The following RNF157 variants were observed in gnomAD, a reference collection of about 807,000 sequenced individuals.
The protein encoded by RNF157 is E3 ubiquitin ligase RNF157.
RNF157 carries 55 observed loss-of-function variants against 88.3 expected under a neutral mutation model. The observed-to-expected ratio is 0.62, with a 90% CI of 0.50 to 0.78. RNF157 has a LOEUF of 0.78. Ranked by LOEUF, RNF157 falls within the 30% of genes least tolerant of loss-of-function variation. The probability of loss-of-function intolerance (pLI) is 0.00; values close to 1 mark genes in which losing one functional copy is unlikely to be tolerated. For synonymous variants in RNF157, 334 were observed against 341.2 expected (o/e 0.98, Z 0.23); for missense variants, 788 against 860.8 (o/e 0.92, Z 1.06).
At chr17:76,154,988 G>A (rs2068739611) in intron 16 of RNF157, among the ~76,000 whole-genome samples, 1 of 152,208 alleles carries the variant, frequency 6.6e-6, no homozygotes, top group African/African-American at 2.4e-5. Context: ...CAAGGCCAGG[G>A]GCTGGCCAGA....
At position 76,162,425 on chromosome 17, in the gene RNF157, C is replaced by T. The variant is rs151144169; in HGVS notation, c.792+127G>A. On this transcript the variant is annotated intron_variant, in intron 9 of 18. Transcript: ENST00000269391. ...AAGCGTAATGATCTGAAATGAGGAACAAGAAAATACCCTTCTAAGACCTAA... is the reference window on the plus strand; with the variant it reads ...AAGCGTAATGATCTGAAATGAGGAATAAGAAAATACCCTTCTAAGACCTAA... 1.1e-3 allele frequency: 754 copies of T among 710,780 alleles called. 6 individuals carry two copies. In the East Asian group the frequency reaches 0.016, roughly 15 times the overall value. 44.0% of individuals were successfully genotyped at this position (710,780 alleles called of 1,614,324 possible). A position where few individuals can be genotyped will look rare whatever the true frequency, so the allele number is the denominator to read the frequency against.
intron 2 of RNF157, chr17:76,202,639 A>ATT: frequency 3.8e-5 from 6 of 155,952 alleles, no homozygotes; most frequent in Non-Finnish European, 7.1e-5. Flanking sequence ...GAGCGCTACT[A>ATT]TTTTTTTTTT....
At position 76,161,763 on chromosome 17, in the gene RNF157, C is replaced by A; in HGVS notation, c.952+80G>T. 6.4e-7 allele frequency: 1 copy of A among 1,555,950 alleles called. No homozygotes were observed. The highest frequency in any genetic ancestry group is 1.4e-5 in the African/African-American group (1 of 73,768). ...CGCATCCGTTTGTCAGATCCAGCAG[C>A]AGCACATGCTTCAGTGTTTTGTAAA... On this transcript the variant is annotated intron_variant, in intron 10 of 18. Transcript: ENST00000269391. This position sits in a 1 kb window ranked among gnomAD's most constrained non-coding sequence, Gnocchi z 4.6.
intron 1 of RNF157, among the ~76,000 whole-genome samples, chr17:76,233,638 G>C (rs927608236): frequency 6.6e-6 from 1 of 152,082 alleles, no homozygotes; most frequent in Non-Finnish European, 1.5e-5. Flanking sequence ...CCTAGGCAAA[G>C]CAATCCTTCT....
intron 17 of RNF157, chr17:76,152,704 A>G: frequency 2.2e-6 from 1 of 455,838 alleles, no homozygotes; most frequent in South Asian, 2.1e-5. Flanking sequence ...CTCCCTAACA[A>G]GTCAGATCAC....
chr17:76,199,241 T>C (rs2069530162), intron 2 of RNF157, among the ~76,000 whole-genome samples: 1 of 152,134 alleles, frequency 6.6e-6, no homozygotes, highest in African/African-American at 2.4e-5. Flanking sequence ...GAAGAAACTA[T>C]TCCTTCCTCT....
intron 1 of RNF157, among the ~76,000 whole-genome samples, chr17:76,236,431 C>A (rs953376235): frequency 2.6e-5 from 4 of 152,194 alleles, no homozygotes; most frequent in Non-Finnish European, 5.9e-5. Flanking sequence ...CCATACCTTT[C>A]TTTGCTAAAC....
intron 2 of RNF157, among the ~76,000 whole-genome samples, chr17:76,201,885 A>C (rs73360638): frequency 0.036 from 5,526 of 152,150 alleles, 305 homozygotes; most frequent in African/African-American, 0.12. Context: ...GCACTACTAC[A>C]AGTAATGCTA....
chr17:76,166,583 C>G, intron 5 of RNF157, 56 bp from the exon 6 acceptor site: 4 of 1,363,594 alleles, frequency 2.9e-6, no homozygotes, highest in Non-Finnish European at 3.1e-6. Context: ...ATTTACATGG[C>G]ACAGCTAATC....
At chr17:76,171,186 C>T (rs1038519413) in intron 3 of RNF157, among the ~76,000 whole-genome samples, 2 of 149,088 alleles carry the variant, frequency 1.3e-5, no homozygotes, top group African/African-American at 2.5e-5. Flanking sequence ...GCCACTGCAC[C>T]GGGCCTTATT....
intron 3 of RNF157, among the ~76,000 whole-genome samples, chr17:76,173,188 A>G (rs1403763681): frequency 1.3e-5 from 2 of 152,096 alleles, no homozygotes; most frequent in Non-Finnish European, 2.9e-5. Context: ...CGGGAGGCTG[A>G]GGCAGGAGAA....
intron 1 of RNF157, among the ~76,000 whole-genome samples, chr17:76,235,727 G>T (rs1490483944): frequency 6.6e-6 from 1 of 151,698 alleles, no homozygotes; most frequent in Non-Finnish European, 1.5e-5. Context: ...ATACATCTAT[G>T]GCTGGGTACG....
At chr17:76,158,556 A>T in intron 12 of RNF157, 55 bp from the exon 13 acceptor site, 1 of 1,269,622 alleles carries the variant, frequency 7.9e-7, no homozygotes, top group African/African-American at 1.5e-5. Flanking sequence ...AAAGAACAGA[A>T]CTTACTGCAA....
At position 76,167,631 on chromosome 17, in the gene RNF157, T is replaced by G. The variant is rs1235660400; in HGVS notation, c.443+20A>C. ...TAATAATCTGGGAAGGAAGTGGCTC[T>G]CCTGGTCTCCTGATCTTACCTGGCA... On this transcript the variant is annotated intron_variant, in intron 4 of 18. Transcript: ENST00000269391. 2.5e-6 allele frequency: 4 copies of G among 1,613,326 alleles called. No homozygotes were observed. The highest frequency in any genetic ancestry group is 3.3e-5 in the Admixed American group (2 of 59,952).
At position 76,155,555 on chromosome 17, in the gene RNF157, C is replaced by T. The variant is rs772165406; in HGVS notation, c.1698+7G>A. The T allele has an allele frequency of 2.0e-5, 32 of 1,611,550 alleles. No homozygotes were observed. The highest frequency in any genetic ancestry group is 2.6e-5 in the Non-Finnish European group (31 of 1,179,220). Reference sequence around the variant, plus strand: ...GAAGCCAGGGCGGTTCCCGTCCCTTCCCTTACCTCTCCTTCTTCTGAGGGG... The same window carrying T: ...GAAGCCAGGGCGGTTCCCGTCCCTTTCCTTACCTCTCCTTCTTCTGAGGGG... On this transcript the variant is annotated splice_region_variant and intron_variant, in intron 15 of 18. Coordinates refer to ENST00000269391, the MANE Select transcript of RNF157 (RefSeq NM_052916.3).
Position 76,152,373 on chromosome 17 carries a change from A to G in RNF157, c.1903T>C (p.Ser635Pro). 1 of 1,610,768 alleles carries G rather than the reference A, an allele frequency of 6.2e-7. No homozygotes were observed. The highest frequency in any genetic ancestry group is 8.5e-7 in the Non-Finnish European group (1 of 1,176,934). ...CACTCACCAGGTAAGCAGACCTCAGAGCACAGCTTATTGTCCAGTGCTTTC... is the reference window on the plus strand; with the variant it reads ...CACTCACCAGGTAAGCAGACCTCAGGGCACAGCTTATTGTCCAGTGCTTTC... ...SVKALDNKLC[S>P]EVCLPGAWQA... is the part of the protein sequence containing the mutation. Residue 635 changes from serine (S) to proline (P), a missense_variant, in exon 18 of 19, where the codon TCT (serine) becomes CCT (proline). Physicochemically the swap from Ser to Pro is moderately conservative, Grantham distance 74 (BLOSUM62 -1). Coordinates refer to ENST00000269391, the MANE Select transcript of RNF157 (RefSeq NM_052916.3).
intron 1 of RNF157, among the ~76,000 whole-genome samples, chr17:76,213,959 A>ATC (rs1484714540): frequency 6.6e-6 from 1 of 152,170 alleles, no homozygotes; most frequent in African/African-American, 2.4e-5. Flanking sequence ...CGCCCTATGT[A>ATC]TCTCTCTCTG....
intron 18 of RNF157, among the ~76,000 whole-genome samples, chr17:76,151,572 T>C (rs1361668733): frequency 6.6e-6 from 1 of 152,250 alleles, no homozygotes; most frequent in East Asian, 1.9e-4. Flanking sequence ...GACATTTGAC[T>C]CAGTCCGCTT....
rs940573758 is a variant in RNF157, at chr17:76,238,896, C to G, written c.88+1257G>C. Among the ~76,000 whole-genome samples the G allele has an allele frequency of 4.6e-5, 7 of 152,214 alleles. No individual in the cohort carries two copies. The South Asian group carries it at 1.4e-3, about 32-fold the overall frequency. On this transcript the variant is annotated intron_variant, in intron 1 of 18. Coordinates refer to ENST00000269391, the MANE Select transcript of RNF157 (RefSeq NM_052916.3). ...TTCTAAAACAATTCTTCACCATATT[C>G]ATCTTTGCAAGGATTCATTCTTTGG...
Sources: gnomAD v4.1 joint callset for allele counts (sites outside exome capture counted in the v4.1 genomes callset) on GRCh38, gnomAD v4.1.1 for gene constraint, Gnocchi (gnomAD v3.1) non-coding constraint, MANE v1.5 for transcripts, NCBI Gene and HGNC (gene_info 2026-07-23, HGNC 2026-07-21) for gene names.